Variants in NAALADL2 observed in about 807,000 individuals in gnomAD.
NAALADL2 encodes the protein N-acetylated alpha-linked acidic dipeptidase like 2, also known as inactive N-acetylated-alpha-linked acidic dipeptidase-like protein 2.
Under a neutral mutation model 87.2 loss-of-function variants are expected in NAALADL2, and 76 were observed. The ratio of observed to expected loss-of-function variants is 0.87; its 90% confidence interval spans 0.72 to 1.05. The LOEUF (loss-of-function observed/expected upper bound fraction) is 1.05, where lower values mean the gene tolerates loss of function less well. NAALADL2 is among the 50% of genes least tolerant of loss of function. The pLI is 0.00. For synonymous variants in NAALADL2, 354 were observed against 331.0 expected, an observed-to-expected ratio of 1.07 and a Z score of -0.75; for missense variants, 1,089 against 945.8, an observed-to-expected ratio of 1.15 and a Z score of -1.99.
At chr3:175,253,686 A>G (rs1196346506) in intron 3 of NAALADL2, among the ~76,000 whole-genome samples, 1 of 152,216 alleles carries the variant, frequency 6.6e-6, no homozygotes, top group African/African-American at 2.4e-5. Flanking sequence ...ACACCATTCT[A>G]AATGCCATTA....
At chr3:175,262,017 G>A (rs1751126553) in intron 4 of NAALADL2, among the ~76,000 whole-genome samples, 1 of 152,024 alleles carries the variant, frequency 6.6e-6, no homozygotes, top group Non-Finnish European at 1.5e-5. Flanking sequence ...CGGAGGAGTA[G>A]CATTATTTAA....
intron 5 of NAALADL2, among the ~76,000 whole-genome samples, chr3:175,367,000 G>A (rs1400490174): frequency 1.5e-4 from 22 of 151,558 alleles, no homozygotes; most frequent in Admixed American, 1.2e-3. Context: ...TAGGTCTAAC[G>A]TTTAAATCTT....
At chr3:175,625,631 T>G (rs1253269411) in intron 10 of NAALADL2, among the ~76,000 whole-genome samples, 1 of 151,998 alleles carries the variant, frequency 6.6e-6, no homozygotes, top group Non-Finnish European at 1.5e-5. Flanking sequence ...TCTTGGGATA[T>G]TAATCACTTT....
chr3:175,310,820 A>C (rs369598232), intron 4 of NAALADL2, among the ~76,000 whole-genome samples: 23 of 152,220 alleles, frequency 1.5e-4, no homozygotes, highest in African/African-American at 5.5e-4. Flanking sequence ...AAGTTGGTAA[A>C]TCAGAAGCCT....
Position 174,752,477 on chromosome 3 carries a change from T to C in NAALADL2, c.-9+14731T>C, listed in dbSNP as rs552298762. ...TTTTCAAATTTACTTGTATATTGTT[T>C]AGCAAAATAATTGATTATTACTCTT... On this transcript the variant is annotated intron_variant, in intron 3 of 3. Coordinates refer to the NAALADL2 transcript ENST00000434257. 5.3e-5 allele frequency among the ~76,000 whole-genome samples: 8 copies of C among 152,300 alleles called. No homozygotes were observed. In the South Asian group the frequency reaches 1.7e-3, roughly 32 times the overall value.
At chr3:175,095,435 A>T (rs2108359293) in intron 1 of NAALADL2, among the ~76,000 whole-genome samples, 1 of 152,158 alleles carries the variant, frequency 6.6e-6, no homozygotes, top group Admixed American at 6.6e-5. Flanking sequence ...GCATTAGATA[A>T]TCATCTTTAT....
intron 10 of NAALADL2, among the ~76,000 whole-genome samples, chr3:175,596,974 AG>A (rs1462561750): frequency 6.6e-6 from 1 of 151,984 alleles, no homozygotes; most frequent in African/African-American, 2.4e-5. Context: ...AAATGGAAAG[AG>A]GTTTTTAAAA....
chr3:174,764,661 A>G (rs1212332588), intron 3 of NAALADL2, among the ~76,000 whole-genome samples: 1 of 152,146 alleles, frequency 6.6e-6, no homozygotes, highest in East Asian at 1.9e-4. Flanking sequence ...AACAAATATC[A>G]CACTGCTATT....
chr3:175,168,397 T>G (rs974016387), intron 2 of NAALADL2, among the ~76,000 whole-genome samples: 11 of 151,834 alleles, frequency 7.2e-5, no homozygotes, highest in Non-Finnish European at 1.5e-4. Context: ...TAGGAGACTT[T>G]TCTGGCATGT....
intron 2 of NAALADL2, among the ~76,000 whole-genome samples, chr3:174,580,379 A>G (rs916032848): frequency 3.3e-5 from 5 of 152,068 alleles, no homozygotes; most frequent in African/African-American, 1.2e-4. Flanking sequence ...ATGTTAGAAA[A>G]TCCTCTCATC....
At chr3:175,191,256 T>C (rs1219379011) in intron 2 of NAALADL2, among the ~76,000 whole-genome samples, 3 of 152,164 alleles carry the variant, frequency 2.0e-5, no homozygotes, top group Non-Finnish European at 4.4e-5. Context: ...TAAATTATTT[T>C]TTTAAAAAAT....
chr3:174,622,314 C>A (rs1028116200), intron 2 of NAALADL2, among the ~76,000 whole-genome samples: 1 of 152,122 alleles, frequency 6.6e-6, no homozygotes, highest in African/African-American at 2.4e-5. Context: ...TTTATTTCTT[C>A]ACCTCTAAAC....
At chr3:174,940,102 G>C (rs938917033) in intron 1 of NAALADL2, among the ~76,000 whole-genome samples, 1 of 152,034 alleles carries the variant, frequency 6.6e-6, no homozygotes, top group Non-Finnish European at 1.5e-5. Flanking sequence ...GAGGAATGGG[G>C]AATACTTCCA....
intron 2 of NAALADL2, among the ~76,000 whole-genome samples, chr3:174,597,965 A>AT (rs1289139159): frequency 6.6e-6 from 1 of 151,930 alleles, no homozygotes; most frequent in African/African-American, 2.4e-5. Flanking sequence ...TGTATTGTAG[A>AT]TTTTTTCTGT....
At chr3:174,783,532 T>C (rs1455674591) in intron 3 of NAALADL2, among the ~76,000 whole-genome samples, 1 of 152,190 alleles carries the variant, frequency 6.6e-6, no homozygotes, top group African/African-American at 2.4e-5. Flanking sequence ...TCAAATAGTG[T>C]GCATTTTGCA....
chr3:174,742,921 A>C lies in NAALADL2; in HGVS notation c.-9+5175A>C, dbSNP rs551103304. ...TTTTTGTGTCTCATCATACAATAGG[A>C]TATTTTCACTCTTTGTGTTGCTCTG... On this transcript the variant is annotated intron_variant, in intron 3 of 3. Coordinates refer to the NAALADL2 transcript ENST00000434257. 6.3e-4 allele frequency among the ~76,000 whole-genome samples: 96 copies of C among 151,704 alleles called. 1 individual carries two copies. The highest frequency in any genetic ancestry group is 2.2e-3 in the African/African-American group (91 of 41,496).
chr3:175,287,068 C>A (rs561537544), intron 4 of NAALADL2, among the ~76,000 whole-genome samples: 1 of 152,082 alleles, frequency 6.6e-6, no homozygotes, highest in Admixed American at 6.6e-5. Context: ...TGCACTACAG[C>A]CTGGGCAACA....
chr3:175,041,825 G>A (rs548564874), intron 1 of NAALADL2, among the ~76,000 whole-genome samples: 52 of 152,064 alleles, frequency 3.4e-4, no homozygotes, highest in Non-Finnish European at 6.0e-4. Context: ...GTACATATTC[G>A]AAAGGTACAA....
chr3:175,611,952 A>G (rs1315002779), intron 10 of NAALADL2, among the ~76,000 whole-genome samples: 2 of 152,172 alleles, frequency 1.3e-5, no homozygotes, highest in Non-Finnish European at 2.9e-5. Flanking sequence ...TTCCAGTTGA[A>G]TAAATGAAAA....
Sources: gnomAD v4.1 joint callset for allele counts (sites outside exome capture counted in the v4.1 genomes callset) on GRCh38, gnomAD v4.1.1 for gene constraint, MANE v1.5 for transcripts, NCBI Gene and HGNC (gene_info 2026-07-23, HGNC 2026-07-21) for gene names.